The following TTLL5 variants were observed in gnomAD, a reference collection of about 807,000 sequenced individuals.
The protein encoded by TTLL5 is tubulin polyglutamylase TTLL5.
A neutral mutation model predicts 168.4 loss-of-function variants in TTLL5; 132 were observed. The ratio of observed to expected loss-of-function variants is 0.78; its 90% CI spans 0.68 to 0.91. TTLL5 has a LOEUF of 0.91. TTLL5 is among the 40% of genes least tolerant of loss of function. The pLI is 0.00. For synonymous variants in TTLL5, 546 were observed against 558.6 expected, an observed-to-expected ratio of 0.98 and a Z score of 0.32; for missense variants, 1,545 against 1,581.5, an observed-to-expected ratio of 0.98 and a Z score of 0.39.
Position 75,914,031 on chromosome 14 carries a change from A to ATATATATAT in TTLL5, c.3823+11807_3823+11808insTATATATAT, listed in dbSNP as rs1375194323. Among the ~76,000 whole-genome samples the ATATATATAT allele has an allele frequency of 7.8e-5, 6 of 77,290 alleles. No homozygotes were observed. The African/African-American group carries it at 1.0e-3, about 13-fold the overall frequency. The allele number at this position is 77,290 out of a possible 152,430, so 50.7% of individuals were successfully genotyped here. A position where few individuals can be genotyped will look rare whatever the true frequency, so the allele number is the denominator to read the frequency against. On this transcript the variant is annotated intron_variant, in intron 31 of 31. Transcript: ENST00000298832. ...CTGTTTAAAAGGAAAAAAAAAAAAA[A>ATATATATAT]AAATATATATATATATATATATATT...
At chr14:75,672,206 C>T (rs1422220476) in intron 3 of TTLL5, among the ~76,000 whole-genome samples, 1 of 152,100 alleles carries the variant, frequency 6.6e-6, no homozygotes, top group Non-Finnish European at 1.5e-5. Context: ...AGATAAATCC[C>T]ACTTTGTCAG....
chr14:75,709,833 A>T (rs1886936701), intron 9 of TTLL5: 1 of 148,842 alleles, frequency 6.7e-6, no homozygotes, highest in African/African-American at 2.5e-5. Context: ...CTCATTAAAA[A>T]AAAAAAAAAA....
At chr14:75,806,030 C>CTT (rs200829500) in intron 27 of TTLL5, among the ~76,000 whole-genome samples, 3 of 137,928 alleles carry the variant, frequency 2.2e-5, no homozygotes, top group African/African-American at 5.3e-5. Context: ...CTGAAAGATT[C>CTT]TTTTTTTTTT....
Position 75,824,979 on chromosome 14 carries a change from G to C in TTLL5, c.3326+4818G>C, listed in dbSNP as rs551815852. On this transcript the variant is annotated intron_variant, in intron 28 of 31. Coordinates refer to ENST00000298832, the MANE Select transcript of TTLL5 (RefSeq NM_015072.5). ...TATGGTGGGAAGAGAAGGGACTTTA[G>C]AGTCAGACAGACCTAGGTTTGCCTT... is the stretch of plus-strand genomic sequence containing the variant. 8.5e-5 allele frequency among the ~76,000 whole-genome samples: 13 copies of C among 152,274 alleles called. No individual in the cohort carries two copies. In the South Asian group the frequency reaches 2.7e-3, roughly 32 times the overall value.
At chr14:75,734,138 C>T in intron 14 of TTLL5, 88 bp downstream of exon 14, 1 of 1,279,944 alleles carries the variant, frequency 7.8e-7, no homozygotes, top group Non-Finnish European at 1.1e-6. Context: ...TGCCAACTGG[C>T]AGGTCCTAAG....
At chr14:75,925,181 G>A (rs1455640531) in intron 31 of TTLL5, among the ~76,000 whole-genome samples, 1 of 147,610 alleles carries the variant, frequency 6.8e-6, no homozygotes, top group Admixed American at 6.7e-5. Context: ...CTGGCCTGGC[G>A]GGGGCTGACC....
intron 31 of TTLL5, among the ~76,000 whole-genome samples, chr14:75,948,435 A>G (rs184526751): frequency 1.4e-3 from 216 of 152,210 alleles, no homozygotes; most frequent in Non-Finnish European, 2.4e-3. Flanking sequence ...CAGTGAGCCA[A>G]GACCGCGCCA....
chr14:75,732,237 A>C, intron 12 of TTLL5, 101 bp from the exon 13 acceptor site: 1 of 899,146 alleles, frequency 1.1e-6, no homozygotes, highest in Non-Finnish European at 1.7e-6. Context: ...ACACTCAGTG[A>C]GTTTCTAGGC....
Position 75,914,029 on chromosome 14 carries a change from AAAAAAT to A in TTLL5, c.3823+11807_3823+11812del, listed in dbSNP as rs1379705179. Among the ~76,000 whole-genome samples the A allele has an allele frequency of 2.7e-4, 21 of 78,334 alleles. 2 individuals carry two copies. Among genetic ancestry groups the A allele is most frequent in the African/African-American group, 5.4e-4 (3 of 5,598 alleles). The allele number at this position is 78,334 out of a possible 152,430, so 51.4% of individuals were successfully genotyped here. On this transcript the variant is annotated intron_variant, in intron 31 of 31. Coordinates refer to ENST00000298832, the MANE Select transcript of TTLL5 (RefSeq NM_015072.5). Reference sequence around the variant, plus strand: ...GACTGTTTAAAAGGAAAAAAAAAAAAAAAAATATATATATATATATATATATTTTAT... The same window carrying A: ...GACTGTTTAAAAGGAAAAAAAAAAAAATATATATATATATATATATTTTAT...
At chr14:75,909,814 C>T (rs531077895) in intron 31 of TTLL5, among the ~76,000 whole-genome samples, 39 of 152,236 alleles carry the variant, frequency 2.6e-4, no homozygotes, top group Non-Finnish European at 1.2e-4. Context: ...GCTGTAGCCA[C>T]ACAAGAAGGA....
At chr14:75,948,780 G>T (rs1345803269) in intron 31 of TTLL5, among the ~76,000 whole-genome samples, 2 of 152,178 alleles carry the variant, frequency 1.3e-5, no homozygotes, top group African/African-American at 4.8e-5. Context: ...TAAACAGATT[G>T]TAGGAAGATA....
chr14:75,844,507 G>A (rs1408052643), intron 28 of TTLL5, among the ~76,000 whole-genome samples: 1 of 152,182 alleles, frequency 6.6e-6, no homozygotes, highest in Non-Finnish European at 1.5e-5. Flanking sequence ...GAGACATCAA[G>A]ACTTAGGTTC....
At chr14:75,700,221 A>G (rs1296713132) in intron 7 of TTLL5, among the ~76,000 whole-genome samples, 2 of 152,206 alleles carry the variant, frequency 1.3e-5, no homozygotes, top group East Asian at 1.9e-4. Context: ...AAGGAGTGTC[A>G]GGTGATCATC....
intron 3 of TTLL5, 101 bp from the exon 4 acceptor site, chr14:75,681,444 C>A: frequency 1.2e-6 from 1 of 865,032 alleles, no homozygotes; most frequent in Non-Finnish European, 1.9e-6. Flanking sequence ...TTAATGGTAG[C>A]ATGTAATGTT....
chr14:75,664,083 T>TC (rs1883080175), intron 2 of TTLL5, among the ~76,000 whole-genome samples: 1 of 144,370 alleles, frequency 6.9e-6, no homozygotes, highest in Admixed American at 6.9e-5. Flanking sequence ...AACCTCCATC[T>TC]CAAAAAAAAA....
intron 30 of TTLL5, among the ~76,000 whole-genome samples, chr14:75,900,715 G>A (rs915452621): frequency 2.0e-5 from 3 of 152,104 alleles, no homozygotes; most frequent in South Asian, 2.1e-4. Flanking sequence ...CTCGTGAAAC[G>A]CTCTTTCCTC....
At chr14:75,762,685 C>T (rs979114340) in intron 18 of TTLL5, among the ~76,000 whole-genome samples, 2 of 152,144 alleles carry the variant, frequency 1.3e-5, no homozygotes, top group Non-Finnish European at 2.9e-5. Context: ...TCCAGGGTCT[C>T]TTGGTTCTTA....
intron 4 of TTLL5, among the ~76,000 whole-genome samples, chr14:75,682,326 A>G (rs1884685091): frequency 6.6e-6 from 1 of 152,150 alleles, no homozygotes; most frequent in East Asian, 1.9e-4. Flanking sequence ...GGATATAGGA[A>G]CAGGAGTCTT....
At chr14:75,870,904 C>T (rs867273559) in intron 29 of TTLL5, among the ~76,000 whole-genome samples, 5 of 151,402 alleles carry the variant, frequency 3.3e-5, no homozygotes, top group Non-Finnish European at 5.9e-5. Flanking sequence ...ACACCATTCT[C>T]CTGCCTCAGC....
Sources: allele counts gnomAD v4.1 joint callset (sites outside exome capture counted in the v4.1 genomes callset), GRCh38; gene constraint gnomAD v4.1.1; transcripts MANE v1.5; gene names NCBI Gene and HGNC (gene_info 2026-07-23, HGNC 2026-07-21).